ZNF469: variants seen among roughly 807,000 people sequenced by gnomAD.
ZNF469 encodes the protein zinc finger protein 469.
A neutral mutation model predicts 1.0 loss-of-function variants in ZNF469; 1 was observed. That is an observed-to-expected ratio of 1.00 (90% confidence interval 0.35 to 4.73). The LOEUF (loss-of-function observed/expected upper bound fraction) is 4.73. Among genes scored for constraint, ZNF469 ranks in the 30% most tolerant of loss-of-function variants. ZNF469 has a pLI of 0.16. For missense variants in ZNF469, 6,100 were observed against 5,356.3 expected (o/e 1.14, Z -4.33); for synonymous variants, 2,703 against 2,363.4 (o/e 1.14, Z -4.17).
chr16:88,187,142 C>T, the ZNF469 span, among the ~76,000 whole-genome samples: 1 of 152,020 alleles, frequency 6.6e-6, no homozygotes, highest in Admixed American at 6.5e-5. Context: ...TCTGTGGAGA[C>T]CCCCAGGGTC....
chr16:88,241,650 T>A, the ZNF469 span, among the ~76,000 whole-genome samples: 1 of 152,112 alleles, frequency 6.6e-6, no homozygotes, highest in African/African-American at 2.4e-5. This position sits in a 1 kb window ranked among gnomAD's most constrained non-coding sequence, Gnocchi z 4.8. Flanking sequence ...TCCCCACCCA[T>A]CCCGATCACA....
the ZNF469 span, among the ~76,000 whole-genome samples, chr16:88,280,484 G>A: frequency 6.6e-6 from 1 of 151,548 alleles, no homozygotes; most frequent in Non-Finnish European, 1.5e-5. Context: ...GCACTTGTTG[G>A]TGCTGTGCCA....
At chr16:88,310,065 G>T in the ZNF469 span, among the ~76,000 whole-genome samples, 2 of 152,190 alleles carry the variant, frequency 1.3e-5, no homozygotes, top group African/African-American at 4.8e-5. Context: ...TGGCCTGAGA[G>T]GGAGGGCGCT....
At chr16:88,359,712 A>G in the ZNF469 span, among the ~76,000 whole-genome samples, 2 of 152,210 alleles carry the variant, frequency 1.3e-5, no homozygotes, top group Non-Finnish European at 2.9e-5. Flanking sequence ...CATTGCAAAT[A>G]TATTCTTTTA....
At chr16:88,316,354 C>T in the ZNF469 span, among the ~76,000 whole-genome samples, 9 of 152,078 alleles carry the variant, frequency 5.9e-5, no homozygotes, top group Non-Finnish European at 1.2e-4. Flanking sequence ...TGGGGCCAGA[C>T]GCCAGCCTTG....
the ZNF469 span, among the ~76,000 whole-genome samples, chr16:88,160,323 T>C: frequency 3.3e-5 from 5 of 152,186 alleles, no homozygotes; most frequent in African/African-American, 1.2e-4. Flanking sequence ...CGATTTTATT[T>C]TTGAAGTGAC....
the ZNF469 span, among the ~76,000 whole-genome samples, chr16:88,105,627 CA>C: frequency 1.3e-5 from 2 of 152,148 alleles, no homozygotes; most frequent in East Asian, 1.9e-4. Flanking sequence ...TCAAAGGGCC[CA>C]GGGGGACACA....
chr16:88,391,286 C>T (rs1232629048), intron 1 of ZNF469, among the ~76,000 whole-genome samples: 1 of 152,268 alleles, frequency 6.6e-6, no homozygotes, highest in African/African-American at 2.4e-5. Flanking sequence ...AGCCGGGCAG[C>T]ACACAGGGCT....
At chr16:88,186,842 C>T in the ZNF469 span, among the ~76,000 whole-genome samples, 3 of 152,254 alleles carry the variant, frequency 2.0e-5, no homozygotes, top group Admixed American at 2.0e-4. Context: ...TCAGCCAAAG[C>T]ATTTGAGGAA....
chr16:88,390,739 C>T (rs947066593), intron 1 of ZNF469, among the ~76,000 whole-genome samples: 29 of 152,262 alleles, frequency 1.9e-4, no homozygotes, highest in African/African-American at 7.0e-4. Context: ...TATAGTGGCT[C>T]CCTGGGGGAA....
chr16:88,191,959 G>C, the ZNF469 span, among the ~76,000 whole-genome samples: 43 of 152,224 alleles, frequency 2.8e-4, no homozygotes, highest in South Asian at 8.5e-3. Context: ...GGTATTTGGA[G>C]GGGGGGACTT....
chr16:88,324,607 G>C, the ZNF469 span, among the ~76,000 whole-genome samples: 13 of 152,274 alleles, frequency 8.5e-5, no homozygotes, highest in Non-Finnish European at 1.9e-4. Flanking sequence ...GCTCCTTGCA[G>C]AGCAGGGCTA....
chr16:88,301,597 G>A, the ZNF469 span, among the ~76,000 whole-genome samples: 11 of 152,250 alleles, frequency 7.2e-5, no homozygotes, highest in Admixed American at 2.0e-4. Context: ...TCTCCTGAGC[G>A]TTTGGGCAGG....
chr16:88,398,642 A>T (rs1904766587), intron 1 of ZNF469, among the ~76,000 whole-genome samples: 1 of 115,732 alleles, frequency 8.6e-6, no homozygotes, highest in Non-Finnish European at 1.9e-5. Flanking sequence ...TGAGCCACAG[A>T]TGAAGGGGGG....
chr16:88,127,472 CA>C, the ZNF469 span, among the ~76,000 whole-genome samples: 5 of 152,264 alleles, frequency 3.3e-5, no homozygotes, highest in East Asian at 9.6e-4. Flanking sequence ...GTAGTAATAT[CA>C]AGTTTGATTT....
chr16:88,228,078 C>G, the ZNF469 span, among the ~76,000 whole-genome samples: 447 of 152,386 alleles, frequency 2.9e-3, 1 homozygote, highest in African/African-American at 9.5e-3. Context: ...TTTAGGGCCC[C>G]CGATCCAGTA....
At chr16:88,161,688 G>A in the ZNF469 span, among the ~76,000 whole-genome samples, 1 of 152,096 alleles carries the variant, frequency 6.6e-6, no homozygotes, top group African/African-American at 2.4e-5. Flanking sequence ...TGAATGTTGT[G>A]CCAGAAAACA....
chr16:88,407,486 T>G (rs568866474), intron 1 of ZNF469, among the ~76,000 whole-genome samples: 21 of 152,374 alleles, frequency 1.4e-4, no homozygotes, highest in Admixed American at 1.2e-3. Flanking sequence ...TCATTTTTAG[T>G]GAGAAATCAC....
At chr16:88,299,713 C>A in the ZNF469 span, among the ~76,000 whole-genome samples, 3 of 152,150 alleles carry the variant, frequency 2.0e-5, no homozygotes, top group Non-Finnish European at 2.9e-5. Context: ...GGGAGGTCTT[C>A]AGGGATTTGG....
Sources: allele counts gnomAD v4.1 joint callset (sites outside exome capture counted in the v4.1 genomes callset), GRCh38; gene constraint gnomAD v4.1.1; non-coding constraint Gnocchi (gnomAD v3.1); transcripts MANE v1.5; gene names NCBI Gene and HGNC (gene_info 2026-07-23, HGNC 2026-07-21).